CNOT2: variants seen among roughly 807,000 people sequenced by gnomAD.
The protein encoded by CNOT2 is CCR4-NOT transcription complex subunit 2, also known as CC chemokine receptor 4-negative regulator of transcription 2.
CNOT2 carries 7 observed loss-of-function variants against 72.1 expected under a neutral mutation model. The observed-to-expected ratio is 0.10, with a 90% CI of 0.06 to 0.18. CNOT2 has a LOEUF of 0.18. Among genes scored for constraint, CNOT2 ranks in the 10% least tolerant of loss-of-function variants. The probability of loss-of-function intolerance (pLI) is 1.00; values close to 1 mark genes in which losing one functional copy is unlikely to be tolerated. For synonymous variants in CNOT2, 196 were observed against 225.6 expected, an observed-to-expected ratio of 0.87 and a Z score of 1.17; for missense variants, 345 against 660.3, an observed-to-expected ratio of 0.52 and a Z score of 5.23.
intron 2 of CNOT2, among the ~76,000 whole-genome samples, chr12:70,283,326 G>T (rs930305358): frequency 6.6e-6 from 1 of 152,042 alleles, no homozygotes; most frequent in African/African-American, 2.4e-5. Flanking sequence ...TGAGTGTAGT[G>T]CTGTGCACCT....
intron 1 of CNOT2, among the ~76,000 whole-genome samples, chr12:70,268,789 T>A (rs564278965): frequency 1.3e-5 from 2 of 152,204 alleles, no homozygotes; most frequent in East Asian, 3.9e-4. Flanking sequence ...GTACTCCTGT[T>A]TCTATGTAGT....
At chr12:70,338,388 T>C (rs947128189) in intron 9 of CNOT2, 55 bp from the exon 10 acceptor site, 2 of 1,476,926 alleles carry the variant, frequency 1.4e-6, no homozygotes, top group African/African-American at 2.8e-5. Context: ...ATATGTGAAC[T>C]TGAATTTGTA....
At chr12:70,333,522 A>C (rs1364390315) in intron 7 of CNOT2, among the ~76,000 whole-genome samples, 1 of 151,906 alleles carries the variant, frequency 6.6e-6, no homozygotes, top group African/African-American at 2.4e-5. Context: ...CTGAGAAAGG[A>C]AATAAAGGAT....
At position 70,354,472 on chromosome 12, in the gene CNOT2, G is replaced by A. The variant is rs182181862; in HGVS notation, c.*557G>A. ...AAGCTTAATGCAAGAATATCTGACT[G>A]TTTAGAAGAAAGATATTGCCACAAT... On this transcript the variant is annotated 3_prime_UTR_variant, in exon 16 of 16. Transcript: ENST00000229195. 61 of 152,768 alleles carry A rather than the reference G, an allele frequency of 4.0e-4. 1 individual carries two copies. Among genetic ancestry groups the A allele is most frequent in the East Asian group, 1.9e-4 (1 of 5,186 alleles). 9.5% of individuals were successfully genotyped at this position (152,768 alleles called of 1,614,324 possible).
intron 6 of CNOT2, 197 bp downstream of exon 6, chr12:70,330,666 A>G (rs1056955300): frequency 6.5e-6 from 3 of 460,934 alleles, no homozygotes; most frequent in Non-Finnish European, 1.1e-5. Context: ...TGGAAAGCAC[A>G]TTAAAACATT....
intron 15 of CNOT2, among the ~76,000 whole-genome samples, chr12:70,347,336 A>C: frequency 6.6e-6 from 1 of 152,250 alleles, no homozygotes; most frequent in Middle Eastern, 3.4e-3. Flanking sequence ...CCAAGATTTC[A>C]TATAAAACTC....
chr12:70,270,205 GTTTAC>G (rs1398239233), intron 1 of CNOT2, among the ~76,000 whole-genome samples: 1 of 152,016 alleles, frequency 6.6e-6, no homozygotes, highest in Non-Finnish European at 1.5e-5. Flanking sequence ...GAAATAATTT[GTTTAC>G]TTTAGTATTT....
At chr12:70,265,744 A>C (rs912578778) in intron 1 of CNOT2, among the ~76,000 whole-genome samples, 3 of 152,046 alleles carry the variant, frequency 2.0e-5, no homozygotes, top group Non-Finnish European at 4.4e-5. Context: ...GAGCTTTTCA[A>C]AGATAAGCAC....
intron 11 of CNOT2, 72 bp downstream of exon 11, chr12:70,338,894 T>G (rs1881066141): frequency 3.2e-6 from 4 of 1,244,758 alleles, no homozygotes; most frequent in Non-Finnish European, 4.6e-6. Flanking sequence ...TATCATGTCA[T>G]CAAATTATCT....
chr12:70,266,976 C>T (rs1428617674), intron 1 of CNOT2, among the ~76,000 whole-genome samples: 3 of 147,472 alleles, frequency 2.0e-5, no homozygotes, highest in Non-Finnish European at 3.0e-5. Flanking sequence ...TGCTTTTTCA[C>T]TCATGTGATT....
intron 4 of CNOT2, 141 bp from the exon 5 acceptor site, chr12:70,329,282 G>C (rs2136020225): frequency 1.9e-6 from 1 of 520,848 alleles, no homozygotes; most frequent in Non-Finnish European, 3.4e-6. Flanking sequence ...GAGTTTATTT[G>C]GAGTGAATCG....
intron 4 of CNOT2, among the ~76,000 whole-genome samples, chr12:70,325,676 G>T (rs953867959): frequency 6.6e-6 from 1 of 151,816 alleles, no homozygotes; most frequent in African/African-American, 2.4e-5. Context: ...AACCAGCTAA[G>T]TGCAAGACAG....
chr12:70,244,351 G>A (rs1222129964), intron 1 of CNOT2: 1 of 152,146 alleles, frequency 6.6e-6, no homozygotes, highest in East Asian at 1.9e-4. Flanking sequence ...TTTAACAGAA[G>A]AAAAGAGTAG....
intron 6 of CNOT2, chr12:70,330,822 CTAT>C (rs1363498778): frequency 2.9e-5 from 5 of 173,032 alleles, no homozygotes; most frequent in Non-Finnish European, 6.1e-5. Context: ...ACATGTTTGA[CTAT>C]TACTACTTTG....
At chr12:70,326,751 A>G (rs1440105018) in intron 4 of CNOT2, among the ~76,000 whole-genome samples, 1 of 152,048 alleles carries the variant, frequency 6.6e-6, no homozygotes, top group East Asian at 1.9e-4. Flanking sequence ...TTGATGATCC[A>G]ATTTGAAGTG....
At chr12:70,299,469 C>T (rs1392360485) in intron 2 of CNOT2, among the ~76,000 whole-genome samples, 6 of 146,314 alleles carry the variant, frequency 4.1e-5, no homozygotes, top group East Asian at 2.1e-4. Flanking sequence ...TGAGAACATG[C>T]GGTGTTTGGT....
chr12:70,331,657 G>A (rs1394124811), intron 6 of CNOT2: 1 of 151,718 alleles, frequency 6.6e-6, no homozygotes, highest in Admixed American at 6.6e-5. Context: ...ACCTGTAATA[G>A]CATCAGCAAT....
intron 2 of CNOT2, among the ~76,000 whole-genome samples, chr12:70,289,880 C>T (rs1166826061): frequency 6.6e-6 from 1 of 151,568 alleles, no homozygotes; most frequent in Non-Finnish European, 1.5e-5. Flanking sequence ...CTTTGCATGG[C>T]TGGTGATTTT....
At chr12:70,303,419 C>A (rs1874504664) in intron 2 of CNOT2, among the ~76,000 whole-genome samples, 1 of 152,162 alleles carries the variant, frequency 6.6e-6, no homozygotes, top group Admixed American at 6.5e-5. Flanking sequence ...CTGGTGGTGA[C>A]AAAATGTCTC....
Sources: allele counts gnomAD v4.1 joint callset (sites outside exome capture counted in the v4.1 genomes callset), GRCh38; gene constraint gnomAD v4.1.1; transcripts MANE v1.5; gene names NCBI Gene and HGNC (gene_info 2026-07-23, HGNC 2026-07-21).